The following PLXNA2 variants were observed in gnomAD, a reference collection of about 807,000 sequenced individuals.
PLXNA2 encodes the protein plexin A2, also known as plexin-A2.
A neutral mutation model predicts 193.5 loss-of-function variants in PLXNA2; 91 were observed. The observed-to-expected ratio is 0.47, with a 90% CI of 0.40 to 0.56. The LOEUF is 0.56. Ranked by LOEUF, PLXNA2 falls within the 20% of genes least tolerant of loss-of-function variation. The probability of loss-of-function intolerance (pLI) is 0.00; values close to 1 mark genes in which losing one functional copy is unlikely to be tolerated. For missense variants in PLXNA2, 1,995 were observed against 2,503.2 expected, an observed-to-expected ratio of 0.80 and a Z score of 4.33; for synonymous variants, 997 against 1,027.3, an observed-to-expected ratio of 0.97 and a Z score of 0.56.
chr1:208,064,775 G>C (rs1665734830), intron 12 of PLXNA2, among the ~76,000 whole-genome samples: 1 of 152,024 alleles, frequency 6.6e-6, no homozygotes, highest in Non-Finnish European at 1.5e-5. Flanking sequence ...GGGAGGGGAG[G>C]CTTGGTGACA....
intron 12 of PLXNA2, among the ~76,000 whole-genome samples, chr1:208,073,025 A>ATG (rs1225879294): frequency 6.6e-6 from 1 of 152,184 alleles, no homozygotes. Context: ...CACTAACCAG[A>ATG]TGTGTGTGTG....
chr1:208,183,490 A>G (rs2102550990), intron 3 of PLXNA2, among the ~76,000 whole-genome samples: 1 of 152,180 alleles, frequency 6.6e-6, no homozygotes, highest in South Asian at 2.1e-4. Flanking sequence ...AAAAGAAATG[A>G]AGGGGCAGAG....
chr1:208,089,463 G>T (rs779121530), intron 9 of PLXNA2, among the ~76,000 whole-genome samples: 12 of 152,188 alleles, frequency 7.9e-5, no homozygotes, highest in Non-Finnish European at 1.2e-4. Context: ...TACTACAGAT[G>T]TCAAATATAA....
At chr1:208,194,392 C>T (rs1037045961) in intron 3 of PLXNA2, among the ~76,000 whole-genome samples, 8 of 148,136 alleles carry the variant, frequency 5.4e-5, no homozygotes, top group African/African-American at 2.0e-4. Flanking sequence ...GCTGCTGGTG[C>T]CTGAGGCCTG....
At chr1:208,062,103 C>T (rs907165663) in intron 12 of PLXNA2, among the ~76,000 whole-genome samples, 20 of 152,226 alleles carry the variant, frequency 1.3e-4, no homozygotes, top group African/African-American at 3.1e-4. Flanking sequence ...GAAGATCGAG[C>T]GTCCTCTAGA....
chr1:208,148,873 G>A (rs1937158), intron 3 of PLXNA2, among the ~76,000 whole-genome samples: 145,465 of 152,284 alleles, frequency 0.96, 69,817 homozygotes, highest in East Asian at 1. Context: ...TGGAAATGTG[G>A]GTTCTTTGGA....
rs1199883168 is a variant in PLXNA2, at chr1:208,045,217, A to G, written c.3496-7T>C. 1.9e-6 allele frequency: 3 copies of G among 1,613,458 alleles called. No homozygotes were observed. The East Asian group carries it at 6.7e-5, about 36-fold the overall frequency. ...GAGGGCAGAGGTTTTTGCCCTGTAG[A>G]GAATAGCAGTCTTTATAGGCATAAT... On this transcript the variant is annotated splice_region_variant and splice_polypyrimidine_tract_variant and intron_variant, in intron 18 of 31. Coordinates refer to ENST00000367033, the MANE Select transcript of PLXNA2 (RefSeq NM_025179.4).
chr1:208,229,085 G>A (rs138644991), intron 1 of PLXNA2, among the ~76,000 whole-genome samples: 91 of 152,258 alleles, frequency 6.0e-4, no homozygotes, highest in Non-Finnish European at 9.6e-4. Context: ...GCTCAGCCCC[G>A]CATTCTCTGG....
chr1:208,082,529 G>A lies in PLXNA2; in HGVS notation c.2299-21C>T. On this transcript the variant is annotated intron_variant, in intron 10 of 31. Transcript: ENST00000367033. The surrounding 1 kb of genome is among the most constrained non-coding windows in gnomAD (Gnocchi z 4.2). ...TGGTACTATAGGGAGACGGGCAGAG[G>A]CATGGGGCTCATGTGGCTCTCTATC... The A allele has an allele frequency of 1.9e-6, 3 of 1,573,616 alleles. No individual in the cohort carries two copies. Among genetic ancestry groups the A allele is most frequent in the South Asian group, 2.2e-5 (2 of 90,106 alleles).
chr1:208,190,564 C>G (rs1670147948), intron 3 of PLXNA2, among the ~76,000 whole-genome samples: 1 of 152,190 alleles, frequency 6.6e-6, no homozygotes. Context: ...ACATCATGGA[C>G]CAGATAATTC....
intron 3 of PLXNA2, among the ~76,000 whole-genome samples, chr1:208,208,675 C>G (rs541349365): frequency 6.6e-6 from 1 of 152,174 alleles, no homozygotes; most frequent in Non-Finnish European, 1.5e-5. Context: ...TCACGCTAGC[C>G]TGTGTGGTTT....
chr1:208,233,933 A>C (rs1671771486), intron 1 of PLXNA2, among the ~76,000 whole-genome samples: 1 of 152,090 alleles, frequency 6.6e-6, no homozygotes, highest in East Asian at 1.9e-4. Flanking sequence ...AGCACCATGG[A>C]AGGGCTGTGG....
intron 6 of PLXNA2, among the ~76,000 whole-genome samples, chr1:208,098,454 T>TCACACACACACA (rs1310601677): frequency 2.0e-3 from 208 of 106,040 alleles, no homozygotes; most frequent in East Asian, 7.3e-3. Context: ...TCTCTCTCTC[T>TCACACACACACA]CTCTCACACA....
intron 3 of PLXNA2, among the ~76,000 whole-genome samples, chr1:208,202,235 C>G (rs993298520): frequency 2.0e-5 from 3 of 152,136 alleles, no homozygotes; most frequent in African/African-American, 7.2e-5. Flanking sequence ...CCGCCTCGGC[C>G]TCCTAAAGTG....
Position 208,028,086 on chromosome 1 carries a change from G to A in PLXNA2, c.5512C>T (p.Arg1838Cys), listed in dbSNP as rs758243795. The stretch of plus-strand genomic sequence containing the variant: ...ATGTTGAACTCCACGGCGTGCAGGC[G>A]GGACTGCTCGGCGAGGTAGGCATTC... Reference protein sequence around the residue: ...DMNAYLAEQSRLHAVEFNMLS... With the variant: ...DMNAYLAEQSCLHAVEFNMLS... Residue 1838 changes from arginine to cysteine, a missense_variant, in exon 31 of 32, where the codon CGC becomes TGC. This residue lies in a region of PLXNA2 where 1,291 missense variants were observed against 1,673.6 expected (regional missense o/e 0.77). Coordinates refer to ENST00000367033, the MANE Select transcript of PLXNA2 (RefSeq NM_025179.4). The surrounding 1 kb of genome is among the most constrained non-coding windows in gnomAD (Gnocchi z 4.2). 15 of 1,613,578 alleles carry A rather than the reference G, an allele frequency of 9.3e-6. No individual in the cohort carries two copies. Among genetic ancestry groups the A allele is most frequent in the South Asian group, 3.3e-5 (3 of 90,956 alleles).
chr1:208,060,619 G>T, intron 13 of PLXNA2, 67 bp downstream of exon 13: 1 of 1,454,718 alleles, frequency 6.9e-7, no homozygotes, highest in Non-Finnish European at 9.4e-7. Flanking sequence ...CAGGAAGGGA[G>T]AGGGGAGAGT....
At chr1:208,138,913 G>A (rs1435760195) in intron 4 of PLXNA2, among the ~76,000 whole-genome samples, 1 of 152,170 alleles carries the variant, frequency 6.6e-6, no homozygotes, top group East Asian at 1.9e-4. Context: ...TGTAATCCCA[G>A]CAACTCAGGA....
intron 4 of PLXNA2, among the ~76,000 whole-genome samples, chr1:208,121,622 T>C (rs961666149): frequency 8.5e-5 from 13 of 152,156 alleles, no homozygotes; most frequent in Admixed American, 1.3e-4. Flanking sequence ...ACCATGATTG[T>C]AAGTTTCCTG....
chr1:208,033,424 C>T lies in PLXNA2; in HGVS notation c.4950G>A (p.Lys1650=), dbSNP rs1314428173. 1 of 1,614,170 alleles carries T rather than the reference C, an allele frequency of 6.2e-7. No homozygotes were observed. Among genetic ancestry groups the T allele is most frequent in the Admixed American group, 1.7e-5 (1 of 60,034 alleles). ...CATGGTTCTTCACCAGATGCCACAC[C>T]TTGACCCCACTTTCCAGGTCTGGGG... ...MITPDLESGV[K]VWHLVKNHDH... The change falls in exon 28 of 32, where the codon AAG becomes AAA. Residue 1650 remains lysine (K), a synonymous_variant. Coordinates refer to ENST00000367033, the MANE Select transcript of PLXNA2 (RefSeq NM_025179.4).
Sources: gnomAD v4.1 joint callset for allele counts (sites outside exome capture counted in the v4.1 genomes callset) on GRCh38, gnomAD v4.1.1 for gene constraint, gnomAD v4.1.1 regional missense constraint, Gnocchi (gnomAD v3.1) non-coding constraint, MANE v1.5 for transcripts, NCBI Gene and HGNC (gene_info 2026-07-23, HGNC 2026-07-21) for gene names.